The following STK32B variants were observed in gnomAD, a reference collection of about 807,000 sequenced individuals.
STK32B encodes serine/threonine kinase 32B.
In STK32B, 43 loss-of-function variants were observed where a neutral mutation model predicts 52.6. That is an observed-to-expected ratio of 0.82 (90% CI 0.64 to 1.05). The LOEUF (loss-of-function observed/expected upper bound fraction) is 1.05, where lower values mean the gene tolerates loss of function less well. Among genes scored for constraint, STK32B ranks in the 50% least tolerant of loss-of-function variants. STK32B has a pLI of 0.00. For missense variants in STK32B, 621 were observed against 534.6 expected (o/e 1.16, Z -1.59); for synonymous variants, 238 against 204.3 (o/e 1.17, Z -1.41).
chr4:5,499,107 A>AGGACT lies in STK32B; in HGVS notation c.*26_*30dup. 1 of 1,596,504 alleles carries AGGACT rather than the reference A, an allele frequency of 6.3e-7. No homozygotes were observed. Among genetic ancestry groups the AGGACT allele is most frequent in the Non-Finnish European group, 8.5e-7 (1 of 1,169,782 alleles). ...GAGCCCACACTTGTTGCTGCTCAAC[A>AGGACT]GGACTGCACTCGTCTCTGCCCTGCC... On this transcript the variant is annotated 3_prime_UTR_variant, in exon 12 of 12. Transcript: ENST00000282908.
Position 5,400,984 on chromosome 4 carries a change from G to A in STK32B, c.472+2740G>A, listed in dbSNP as rs2109049429. On this transcript the variant is annotated intron_variant, in intron 5 of 11. Coordinates refer to ENST00000282908, the MANE Select transcript of STK32B (RefSeq NM_018401.3). The surrounding 1 kb of genome is among the most constrained non-coding windows in gnomAD (Gnocchi z 6.1). ...AGGTGTGTGCGGGGTTGTCTTAGAG[G>A]CAGCCGCATGACAGTGGGATCCTGA... is the stretch of plus-strand genomic sequence containing the variant. Among the ~76,000 whole-genome samples, 1 of 152,252 alleles carries A rather than the reference G, an allele frequency of 6.6e-6. No homozygotes were observed. Among genetic ancestry groups the A allele is most frequent in the African/African-American group, 2.4e-5 (1 of 41,534 alleles).
chr4:5,082,191 G>A (rs1026318971), intron 1 of STK32B, among the ~76,000 whole-genome samples: 1 of 152,054 alleles, frequency 6.6e-6, no homozygotes, highest in Non-Finnish European at 1.5e-5. Context: ...CAGGTACTGA[G>A]AGCCTCCCAT....
At chr4:5,159,523 T>C (rs1460400056) in intron 2 of STK32B, among the ~76,000 whole-genome samples, 1 of 135,034 alleles carries the variant, frequency 7.4e-6, no homozygotes, top group Non-Finnish European at 1.5e-5. Context: ...TATGAATATA[T>C]GATATATATG....
chr4:5,274,018 CAAACA>C (rs1727630161), intron 3 of STK32B, among the ~76,000 whole-genome samples: 1 of 149,532 alleles, frequency 6.7e-6, no homozygotes, highest in South Asian at 2.1e-4. Context: ...AAAAACAAAA[CAAACA>C]AAAAAAAGAC....
intron 4 of STK32B, among the ~76,000 whole-genome samples, chr4:5,365,061 A>G (rs1401117923): frequency 1.3e-5 from 2 of 151,946 alleles, no homozygotes; most frequent in Non-Finnish European, 2.9e-5. Context: ...TTTTTAGTGG[A>G]GATGGGGTTT....
intron 3 of STK32B, among the ~76,000 whole-genome samples, chr4:5,191,547 C>A (rs76424614): frequency 0.022 from 3,350 of 151,968 alleles, 48 homozygotes; most frequent in Non-Finnish European, 0.034. Context: ...AGCCACCGCG[C>A]CTTGCCTCCT....
chr4:5,394,608 G>A lies in STK32B; in HGVS notation c.435-3599G>A, dbSNP rs1736768402. Among the ~76,000 whole-genome samples the A allele has an allele frequency of 6.6e-6, 1 of 152,224 alleles. No homozygotes were observed. The highest frequency in any genetic ancestry group is 2.1e-4 in the South Asian group (1 of 4,834). ...TAAAGGCTCAAGAATCTGCCAGTCT[G>A]CCTCTGAGTTCTCCCTAGCTCCTTT... On this transcript the variant is annotated intron_variant, in intron 4 of 11. Transcript: ENST00000282908. The surrounding 1 kb of genome is among the most constrained non-coding windows in gnomAD (Gnocchi z 4.2).
At chr4:5,341,051 G>A (rs572001993) in intron 4 of STK32B, among the ~76,000 whole-genome samples, 1 of 152,260 alleles carries the variant, frequency 6.6e-6, no homozygotes, top group South Asian at 2.1e-4. Flanking sequence ...TGACCACTGA[G>A]CATACAGCTC....
intron 3 of STK32B, among the ~76,000 whole-genome samples, chr4:5,217,918 A>C (rs1016709381): frequency 6.6e-6 from 1 of 152,196 alleles, no homozygotes; most frequent in Non-Finnish European, 1.5e-5. Flanking sequence ...ACTACTATGA[A>C]CCTCACAGGA....
chr4:5,482,161 T>C (rs1718771323), intron 11 of STK32B, among the ~76,000 whole-genome samples: 1 of 152,212 alleles, frequency 6.6e-6, no homozygotes, highest in Admixed American at 6.5e-5. Flanking sequence ...ATTGAATCTA[T>C]AAATTACCTT....
intron 6 of STK32B, among the ~76,000 whole-genome samples, chr4:5,433,974 C>T (rs1485433426): frequency 1.3e-5 from 2 of 152,200 alleles, no homozygotes; most frequent in Non-Finnish European, 2.9e-5. Flanking sequence ...TTATATGATG[C>T]CCTAATGCTC....
At chr4:5,127,186 A>G in intron 1 of STK32B, 2 of 473,868 alleles carry the variant, frequency 4.2e-6, no homozygotes, top group South Asian at 3.0e-5. Context: ...AACATAAGCA[A>G]ACATCTTCCA....
chr4:5,173,830 C>T (rs1282940045), intron 3 of STK32B, among the ~76,000 whole-genome samples: 1 of 152,164 alleles, frequency 6.6e-6, no homozygotes, highest in Non-Finnish European at 1.5e-5. Context: ...CTCCTTGGTG[C>T]AGTGCTGAGT....
intron 3 of STK32B, among the ~76,000 whole-genome samples, chr4:5,222,268 T>C (rs1425353890): frequency 6.6e-6 from 1 of 152,118 alleles, no homozygotes; most frequent in Non-Finnish European, 1.5e-5. Context: ...CTATGCCAAA[T>C]ACCTAAAAAA....
intron 2 of STK32B, among the ~76,000 whole-genome samples, chr4:5,148,088 A>C (rs1235374031): frequency 6.6e-6 from 1 of 151,862 alleles, no homozygotes; most frequent in Admixed American, 6.6e-5. Flanking sequence ...GATATAAGGC[A>C]CTCAGATTTT....
intron 2 of STK32B, chr4:5,140,405 C>A (rs948102262): frequency 1.2e-6 from 1 of 863,650 alleles, no homozygotes; most frequent in Non-Finnish European, 1.5e-6. Context: ...ATACTCCCCC[C>A]AGTCAAGCTC....
rs35251788 is a variant in STK32B at position 5,425,456 on chromosome 4, C to CCATT, written c.562+8545_562+8548dup. Among the ~76,000 whole-genome samples the CCATT allele has an allele frequency of 6.7e-4, 101 of 151,694 alleles. No individual in the cohort carries two copies. In the South Asian group the frequency reaches 7.5e-3, roughly 11 times the overall value. ...CACTGTCCATTATCTTTCCTGAGAA[C>CCATT]CATTCATTCATTCATTCATTCATTC... On this transcript the variant is annotated intron_variant, in intron 6 of 11. Coordinates refer to ENST00000282908, the MANE Select transcript of STK32B (RefSeq NM_018401.3).
chr4:5,313,882 A>T (rs975264335), intron 3 of STK32B, among the ~76,000 whole-genome samples: 4 of 152,202 alleles, frequency 2.6e-5, no homozygotes, highest in Non-Finnish European at 4.4e-5. Context: ...TAACAAAAAC[A>T]TTTACACTAT....
chr4:5,031,621 G>A, the STK32B span, among the ~76,000 whole-genome samples: 1 of 152,072 alleles, frequency 6.6e-6, no homozygotes, highest in South Asian at 2.1e-4. Context: ...TTTGGAGTCT[G>A]TTCTCCATTA....
Sources: gnomAD v4.1 joint callset for allele counts (sites outside exome capture counted in the v4.1 genomes callset) on GRCh38, gnomAD v4.1.1 for gene constraint, Gnocchi (gnomAD v3.1) non-coding constraint, MANE v1.5 for transcripts, NCBI Gene and HGNC (gene_info 2026-07-23, HGNC 2026-07-21) for gene names.